Variants in RBMS1 observed in about 807,000 individuals in gnomAD.
The protein encoded by RBMS1 is RNA binding motif single stranded interacting protein 1.
In RBMS1, 17 loss-of-function variants were observed where a neutral mutation model predicts 62.3. The ratio of observed to expected loss-of-function variants is 0.27; its 90% confidence interval spans 0.19 to 0.41. RBMS1 has a LOEUF of 0.41. RBMS1 is among the 10% of genes least tolerant of loss of function. The pLI, the probability that RBMS1 is intolerant of heterozygous loss-of-function variation, is 1.00. For synonymous variants in RBMS1, 172 were observed against 170.0 expected (o/e 1.01, Z -0.09); for missense variants, 334 against 504.5 (o/e 0.66, Z 3.24).
chr2:160,287,089 G>A lies in RBMS1; in HGVS notation c.641-5C>T. 6.2e-7 allele frequency: 1 copy of A among 1,613,842 alleles called. No individual in the cohort carries two copies. The highest frequency in any genetic ancestry group is 1.3e-5 in the African/African-American group (1 of 75,032). ...ACAATAAAGGTTCTGTGGGGGCTAAGTAAACAGAGAAAAATAAAATGAAAC... is the reference window on the plus strand; with the variant it reads ...ACAATAAAGGTTCTGTGGGGGCTAAATAAACAGAGAAAAATAAAATGAAAC... On this transcript the variant is annotated splice_region_variant and splice_polypyrimidine_tract_variant and intron_variant, in intron 6 of 13. Transcript: ENST00000348849.
chr2:160,408,869 T>C (rs1695910386), intron 1 of RBMS1, among the ~76,000 whole-genome samples: 1 of 152,208 alleles, frequency 6.6e-6, no homozygotes, highest in African/African-American at 2.4e-5. Flanking sequence ...CTTGCCATCC[T>C]TCACATTGGC....
intron 1 of RBMS1, among the ~76,000 whole-genome samples, chr2:160,409,684 G>A (rs573617562): frequency 6.6e-6 from 1 of 152,210 alleles, no homozygotes; most frequent in African/African-American, 2.4e-5. Flanking sequence ...CAGTTGTCAA[G>A]AGTGGTCTCT....
intron 1 of RBMS1, among the ~76,000 whole-genome samples, chr2:160,442,328 A>C (rs1683442995): frequency 7.5e-6 from 1 of 132,930 alleles, no homozygotes; most frequent in South Asian, 2.3e-4. Flanking sequence ...TTTAGTATAG[A>C]AATAGGTATA....
At chr2:160,349,399 A>C (rs1277364670) in intron 2 of RBMS1, among the ~76,000 whole-genome samples, 1 of 152,136 alleles carries the variant, frequency 6.6e-6, no homozygotes, top group Non-Finnish European at 1.5e-5. Flanking sequence ...AAATAGATGA[A>C]AAAAATCCAG....
chr2:160,296,779 G>A (rs1688955949), intron 6 of RBMS1, among the ~76,000 whole-genome samples: 1 of 152,040 alleles, frequency 6.6e-6, no homozygotes, highest in African/African-American at 2.4e-5. Context: ...ACATATTTTT[G>A]CATAGAAAAA....
At chr2:160,394,241 A>T (rs1695018624) in intron 1 of RBMS1, among the ~76,000 whole-genome samples, 1 of 152,220 alleles carries the variant, frequency 6.6e-6, no homozygotes, top group Admixed American at 6.5e-5. Flanking sequence ...AATTTTCAAG[A>T]ACACACAGCA....
intron 1 of RBMS1, chr2:160,408,022 C>G (rs1041874302): frequency 1.1e-4 from 76 of 698,862 alleles, no homozygotes; most frequent in Non-Finnish European, 1.3e-4. Context: ...ATCGCCCGCC[C>G]GGCCCCCGCG....
At chr2:160,277,534 A>G in intron 11 of RBMS1, 151 bp from the exon 12 acceptor site, 1 of 476,222 alleles carries the variant, frequency 2.1e-6, no homozygotes, top group Non-Finnish European at 3.8e-6. Flanking sequence ...AGTGCATATA[A>G]ATATGTCATA....
intron 1 of RBMS1, among the ~76,000 whole-genome samples, chr2:160,378,574 T>G (rs1381214903): frequency 6.6e-6 from 1 of 151,622 alleles, no homozygotes; most frequent in Non-Finnish European, 1.5e-5. Flanking sequence ...ATCATGCCAC[T>G]GCTCTGCTCT....
intron 1 of RBMS1, among the ~76,000 whole-genome samples, chr2:160,440,518 T>C (rs1216218622): frequency 6.6e-6 from 1 of 152,152 alleles, no homozygotes; most frequent in Admixed American, 6.5e-5. Context: ...GGATGAGGCA[T>C]GAGGGTCGCC....
At chr2:160,342,775 A>T (rs1229161939) in intron 2 of RBMS1, among the ~76,000 whole-genome samples, 1,530 of 149,518 alleles carry the variant, frequency 0.01, 14 homozygotes, top group Non-Finnish European at 0.016. Context: ...AATACAAAAA[A>T]AAAAAAAAAA....
intron 1 of RBMS1, among the ~76,000 whole-genome samples, chr2:160,453,865 T>C (rs1559571010): frequency 6.6e-6 from 1 of 152,216 alleles, no homozygotes; most frequent in Non-Finnish European, 1.5e-5. Context: ...GTATATACTT[T>C]GGTGCCCCTC....
Position 160,273,780 on chromosome 2 carries a change from T to TC in RBMS1, c.*991dup, listed in dbSNP as rs397694741. On this transcript the variant is annotated 3_prime_UTR_variant, in exon 14 of 14. Transcript: ENST00000348849. ...GTACATCAAGTTAGCTTTTTTTTTT[T>TC]CCTGAAAAAAGGCAAAAAAGACTTT... is the stretch of plus-strand genomic sequence containing the variant. 2 of 150,472 alleles carry TC rather than the reference T, an allele frequency of 1.3e-5. No individual in the cohort carries two copies. Among genetic ancestry groups the TC allele is most frequent in the East Asian group, 2.0e-4 (1 of 5,078 alleles). The allele number at this position is 150,472 out of a possible 1,614,324, so 9.3% of individuals were successfully genotyped here. A position where few individuals can be genotyped will look rare whatever the true frequency, so the allele number is the denominator to read the frequency against.
intron 7 of RBMS1, among the ~76,000 whole-genome samples, chr2:160,285,904 G>A (rs1404660651): frequency 1.3e-5 from 2 of 151,970 alleles, no homozygotes; most frequent in African/African-American, 4.8e-5. Context: ...GAGGCCAGGA[G>A]ATTGAGACCA....
At chr2:160,477,136 A>G (rs921316693) in intron 1 of RBMS1, among the ~76,000 whole-genome samples, 2 of 152,204 alleles carry the variant, frequency 1.3e-5, no homozygotes, top group African/African-American at 2.4e-5. Flanking sequence ...TTAAGCAACG[A>G]AAGAATGAAA....
At chr2:160,359,679 G>A (rs959044331) in intron 2 of RBMS1, among the ~76,000 whole-genome samples, 1 of 152,156 alleles carries the variant, frequency 6.6e-6, no homozygotes, top group Non-Finnish European at 1.5e-5. Context: ...CTTCATAATA[G>A]GGTAAAAGCT....
intron 2 of RBMS1, chr2:160,366,964 T>C (rs547938805): frequency 6.7e-6 from 2 of 298,402 alleles, no homozygotes; most frequent in Non-Finnish European, 1.2e-5. Flanking sequence ...ATTTTACTTC[T>C]CATATGCCCA....
intron 1 of RBMS1, among the ~76,000 whole-genome samples, chr2:160,476,252 T>C (rs1302329175): frequency 1.3e-5 from 2 of 152,198 alleles, no homozygotes; most frequent in Non-Finnish European, 2.9e-5. Flanking sequence ...AGTGTTTATG[T>C]GACAACGACA....
chr2:160,465,461 T>C (rs1402640589), intron 1 of RBMS1, among the ~76,000 whole-genome samples: 1 of 152,218 alleles, frequency 6.6e-6, no homozygotes, highest in East Asian at 1.9e-4. Context: ...GCACCGCTTT[T>C]TTGGTCATCA....
Sources: gnomAD v4.1 joint callset for allele counts (sites outside exome capture counted in the v4.1 genomes callset) on GRCh38, gnomAD v4.1.1 for gene constraint, MANE v1.5 for transcripts, NCBI Gene and HGNC (gene_info 2026-07-23, HGNC 2026-07-21) for gene names.